The following VPS13D variants were observed in gnomAD, a reference collection of about 807,000 sequenced individuals.
VPS13D encodes the protein vacuolar protein sorting 13 homolog D.
Under a neutral mutation model 461.9 loss-of-function variants are expected in VPS13D, and 187 were observed. The ratio of observed to expected loss-of-function variants is 0.40; its 90% CI spans 0.36 to 0.46. VPS13D has a LOEUF of 0.46. Ranked by LOEUF, VPS13D falls within the 20% of genes least tolerant of loss-of-function variation. The pLI is 0.60. For missense variants in VPS13D, 4,711 were observed against 5,364.9 expected, an observed-to-expected ratio of 0.88 and a Z score of 3.81; for synonymous variants, 1,951 against 1,986.3, an observed-to-expected ratio of 0.98 and a Z score of 0.47.
At chr1:12,481,019 G>A (rs1214513543) in intron 67 of VPS13D, among the ~76,000 whole-genome samples, 1 of 152,200 alleles carries the variant, frequency 6.6e-6, no homozygotes, top group African/African-American at 2.4e-5. Context: ...GGAAGACACA[G>A]GCACCTGCCC....
chr1:12,265,968 G>A (rs1226243013), intron 13 of VPS13D, among the ~76,000 whole-genome samples: 1 of 152,012 alleles, frequency 6.6e-6, no homozygotes. Context: ...CAACCAGCCT[G>A]GGCAACATAG....
At chr1:12,451,029 GCTC>G (rs1455387485) in intron 65 of VPS13D, among the ~76,000 whole-genome samples, 1 of 152,212 alleles carries the variant, frequency 6.6e-6, no homozygotes, top group East Asian at 1.9e-4. Context: ...TCAAGCCCCA[GCTC>G]CTGTTACACT....
At chr1:12,508,653 T>G (rs1570308472) in intron 69 of VPS13D, among the ~76,000 whole-genome samples, 2 of 143,006 alleles carry the variant, frequency 1.4e-5, no homozygotes, top group East Asian at 2.0e-4. Context: ...GAGGTTGCAG[T>G]GAACCAAGAT....
intron 34 of VPS13D, 80 bp from the exon 35 acceptor site, chr1:12,323,626 T>G: frequency 1.4e-6 from 2 of 1,408,226 alleles, no homozygotes; most frequent in Non-Finnish European, 2.0e-6. Flanking sequence ...TTTAAATTTC[T>G]TTTCTTTTTT....
chr1:12,305,598 G>T (rs373865517), intron 26 of VPS13D, among the ~76,000 whole-genome samples: 2 of 152,108 alleles, frequency 1.3e-5, no homozygotes, highest in African/African-American at 4.8e-5. Flanking sequence ...CCTCTTTTCT[G>T]TTGTTAAATG....
At chr1:12,399,751 A>C (rs1330642991) in intron 60 of VPS13D, among the ~76,000 whole-genome samples, 1 of 150,726 alleles carries the variant, frequency 6.6e-6, no homozygotes, top group Non-Finnish European at 1.5e-5. Context: ...TCCAGGAGGC[A>C]GAGGTTGCAG....
rs141972334 is a variant in VPS13D, at chr1:12,283,372, A to T, written c.5270A>T (p.Asp1757Val). 416 of 1,614,186 alleles carry T rather than the reference A, an allele frequency of 2.6e-4. 4 individuals carry two copies. In the African/African-American group the frequency reaches 5.2e-3, roughly 20 times the overall value. The change falls in exon 21 of 70, where the codon GAC (aspartate) becomes GTC (valine). Residue 1757 changes from aspartate (D) to valine (V), a missense_variant. Physicochemically the swap from Asp to Val is radical, Grantham distance 152. This residue lies in a region of VPS13D where 4,411 missense variants were observed against 4,937.8 expected (regional missense o/e 0.89). Coordinates refer to ENST00000620676, the MANE Select transcript of VPS13D (RefSeq NM_015378.4). ...AAGCAAAAGGAAGTCCAAGACAAGG[A>T]CTATCCCTTGACCCCACCTCCTTCT... ...RKKQKEVQDKDYPLTPPPSPT... is the reference protein window; with the variant it reads ...RKKQKEVQDKVYPLTPPPSPT...
Position 12,505,760 on chromosome 1 carries a change from G to A in VPS13D, c.12795-1093G>A, listed in dbSNP as rs1400979782. Among the ~76,000 whole-genome samples the A allele has an allele frequency of 6.6e-6, 1 of 152,242 alleles. No individual in the cohort carries two copies. Among genetic ancestry groups the A allele is most frequent in the African/African-American group, 2.4e-5 (1 of 41,462 alleles). On this transcript the variant is annotated intron_variant, in intron 68 of 69. Coordinates refer to ENST00000620676, the MANE Select transcript of VPS13D (RefSeq NM_015378.4). The surrounding 1 kb of genome is among the most constrained non-coding windows in gnomAD (Gnocchi z 4.2). ...TGGGGGATGCTTCACAGAGAAGTTAGAACCTGTGATCCTTGCGGGGAGGGG... is the reference window on the plus strand; with the variant it reads ...TGGGGGATGCTTCACAGAGAAGTTAAAACCTGTGATCCTTGCGGGGAGGGG...
At chr1:12,231,141 C>G (rs1244182992) in intron 1 of VPS13D, among the ~76,000 whole-genome samples, 1 of 152,224 alleles carries the variant, frequency 6.6e-6, no homozygotes, top group Non-Finnish European at 1.5e-5. Flanking sequence ...TCTGCCCGCC[C>G]GTGGGCTCAG....
At position 12,355,995 on chromosome 1, in the gene VPS13D, G is replaced by A. The variant is rs557217030; in HGVS notation, c.9776G>A (p.Arg3259His). ...MVRMRLYDVN[R>H]RQLNLTIRIV... ...AGAATGCGACTCTATGACGTCAACC[G>A]TCGGCAGCTGAACCTCACCATCCGG... Residue 3259 changes from arginine to histidine, a missense_variant, in exon 48 of 70, where the codon CGT becomes CAT. Arg to His is a conservative substitution (Grantham distance 29). Around this residue, in one of 3 missense-constraint regions of VPS13D, gnomAD observed 4,411 missense variants for 4,937.8 expected, o/e 0.89. Coordinates refer to ENST00000620676, the MANE Select transcript of VPS13D (RefSeq NM_015378.4). 3.8e-5 allele frequency: 61 copies of A among 1,614,032 alleles called. 1 individual carries two copies. The South Asian group carries it at 5.2e-4, about 14-fold the overall frequency.
At chr1:12,237,926 C>T (rs888359783) in intron 2 of VPS13D, among the ~76,000 whole-genome samples, 21 of 152,064 alleles carry the variant, frequency 1.4e-4, no homozygotes, top group African/African-American at 3.9e-4. Context: ...GAGGCCAAGG[C>T]GGGCATATCA....
intron 53 of VPS13D, 85 bp downstream of exon 53, chr1:12,368,676 A>G (rs1644073202): frequency 7.0e-7 from 1 of 1,427,710 alleles, no homozygotes; most frequent in Non-Finnish European, 9.3e-7. Flanking sequence ...ATGGTACAAT[A>G]CATTTTCAAC....
Position 12,299,395 on chromosome 1 carries a change from A to G in VPS13D, c.6216+11A>G. 2 of 1,596,902 alleles carry G rather than the reference A, an allele frequency of 1.3e-6. No homozygotes were observed. Among genetic ancestry groups the G allele is most frequent in the Non-Finnish European group, 1.7e-6 (2 of 1,173,928 alleles). ...TCCCTACAAGATAAGGTGAGCAATC[A>G]GTATCCATTTCCTTTTCCGTTCAGC... On this transcript the variant is annotated intron_variant, in intron 25 of 69. Transcript: ENST00000620676. The surrounding 1 kb of genome is among the most constrained non-coding windows in gnomAD (Gnocchi z 4.2).
At chr1:12,420,223 T>C (rs539160728) in intron 65 of VPS13D, among the ~76,000 whole-genome samples, 32 of 152,356 alleles carry the variant, frequency 2.1e-4, no homozygotes, top group Non-Finnish European at 3.8e-4. Flanking sequence ...TCTGCACGTA[T>C]GTGGTTGGAC....
At chr1:12,405,179 G>T (rs756335232) in intron 63 of VPS13D, among the ~76,000 whole-genome samples, 41 of 152,326 alleles carry the variant, frequency 2.7e-4, no homozygotes, top group Non-Finnish European at 4.8e-4. Context: ...TGAAGGGGCC[G>T]CCACAACCCG....
intron 15 of VPS13D, 35 bp downstream of exon 15, chr1:12,267,955 A>T (rs1641323107): frequency 1.3e-6 from 2 of 1,540,424 alleles, no homozygotes; most frequent in African/African-American, 2.8e-5. Context: ...TAAAATTTTT[A>T]AATTTTTTAA....
At chr1:12,356,272 A>G in intron 48 of VPS13D, 126 bp from the exon 49 acceptor site, 6 of 1,410,274 alleles carry the variant, frequency 4.3e-6, no homozygotes, top group Non-Finnish European at 5.7e-6. Flanking sequence ...TAGGCAAGAA[A>G]CTGAGCCCAC....
intron 6 of VPS13D, 146 bp from the exon 7 acceptor site, chr1:12,253,576 G>A (rs1640811820): frequency 1.6e-6 from 1 of 623,890 alleles, no homozygotes; most frequent in Admixed American, 2.7e-5. Flanking sequence ...CTCTGTAAGA[G>A]CAGAAGCATG....
At chr1:12,366,298 G>T (rs1644033797) in intron 52 of VPS13D, among the ~76,000 whole-genome samples, 1 of 152,104 alleles carries the variant, frequency 6.6e-6, no homozygotes, top group African/African-American at 2.4e-5. Flanking sequence ...GTCTTTTTTA[G>T]TGTGAATTGG....
Sources: allele counts gnomAD v4.1 joint callset (sites outside exome capture counted in the v4.1 genomes callset), GRCh38; gene constraint gnomAD v4.1.1; regional missense constraint gnomAD v4.1.1; non-coding constraint Gnocchi (gnomAD v3.1); transcripts MANE v1.5; gene names NCBI Gene and HGNC (gene_info 2026-07-23, HGNC 2026-07-21).